Variants in MCHR2 observed in about 807,000 individuals in gnomAD.
The protein encoded by MCHR2 is melanin concentrating hormone receptor 2.
A neutral mutation model predicts 24.8 loss-of-function variants in MCHR2; 15 were observed. The observed-to-expected ratio is 0.60, with a 90% CI of 0.40 to 0.93. The LOEUF (loss-of-function observed/expected upper bound fraction) is 0.93, where lower values mean the gene tolerates loss of function less well. Among genes scored for constraint, MCHR2 ranks in the 40% least tolerant of loss-of-function variants. The pLI, the probability that MCHR2 is intolerant of heterozygous loss-of-function variation, is 0.00. For synonymous variants in MCHR2, 151 were observed against 147.6 expected (o/e 1.02, Z -0.17); for missense variants, 386 against 408.7 (o/e 0.94, Z 0.48).
chr6:99,946,838 A>G (rs918711390), intron 3 of MCHR2, among the ~76,000 whole-genome samples: 6 of 152,154 alleles, frequency 3.9e-5, no homozygotes, highest in Non-Finnish European at 8.8e-5. Context: ...AAGACAGAGT[A>G]TCACTGTTGG....
In MCHR2 at chr6:99,975,197, C is replaced by G. The variant is rs181448154; in HGVS notation, c.-28+18739G>C. Among the ~76,000 whole-genome samples, 408 of 152,324 alleles carry G rather than the reference C, an allele frequency of 2.7e-3. 2 individuals are homozygous for G. Among genetic ancestry groups the G allele is most frequent in the African/African-American group, 9.4e-3 (392 of 41,576 alleles). On this transcript the variant is annotated intron_variant, in intron 1 of 5. Coordinates refer to ENST00000281806, the MANE Select transcript of MCHR2 (RefSeq NM_001040179.2). ...GTGGAGCCTACAGAGGCAGGCAGGT[C>G]TCCTTGAGCTGTGGTGGGCTCCACC...
rs1774177794 is a variant in MCHR2 at position 99,919,235 on chromosome 6, T to A, written c.*1705A>T. ...GATGCTACCTGTCTCAGTGTGTAGT[T>A]CTCATGTGGTTTACAGAACCATTCA... On this transcript the variant is annotated 3_prime_UTR_variant, in exon 6 of 6. Transcript: ENST00000281806. Among the ~76,000 whole-genome samples the A allele has an allele frequency of 6.6e-6, 1 of 152,198 alleles. No homozygotes were observed. The highest frequency in any genetic ancestry group is 1.5e-5 in the Non-Finnish European group (1 of 68,044).
At chr6:99,979,934 T>A (rs55911648) in intron 1 of MCHR2, among the ~76,000 whole-genome samples, 1,551 of 152,248 alleles carry the variant, frequency 0.01, 13 homozygotes, top group Non-Finnish European at 0.012. Context: ...AAGAAAAAAA[T>A]TTGTAAATGG....
chr6:99,959,084 G>T (rs1053115003), intron 1 of MCHR2, among the ~76,000 whole-genome samples: 14 of 152,030 alleles, frequency 9.2e-5, no homozygotes, highest in Non-Finnish European at 4.4e-5. Flanking sequence ...GCTTTTGGGG[G>T]GTTTCCAGAG....
At chr6:99,963,727 A>G (rs573894203) in intron 1 of MCHR2, among the ~76,000 whole-genome samples, 2 of 152,134 alleles carry the variant, frequency 1.3e-5, no homozygotes, top group African/African-American at 4.8e-5. Context: ...AATGATGCAG[A>G]GTTTACTGGT....
intron 4 of MCHR2, among the ~76,000 whole-genome samples, chr6:99,939,873 T>G (rs1461873736): frequency 2.3e-3 from 1 of 440 alleles, no homozygotes. Flanking sequence ...ATGGCAGGTG[T>G]TTTTTTTTTT....
At chr6:99,962,758 A>T (rs2114553376) in intron 1 of MCHR2, among the ~76,000 whole-genome samples, 1 of 152,258 alleles carries the variant, frequency 6.6e-6, no homozygotes, top group African/African-American at 2.4e-5. Context: ...TCTACACTGA[A>T]CTAAAAAGCT....
chr6:99,969,487 A>G (rs1582400732), intron 1 of MCHR2, among the ~76,000 whole-genome samples: 1 of 149,436 alleles, frequency 6.7e-6, no homozygotes, highest in African/African-American at 2.4e-5. Flanking sequence ...AAAAAAAAAA[A>G]AAAAAGAAAA....
chr6:99,956,210 A>T, intron 1 of MCHR2, 36 bp from the exon 2 acceptor site: 1 of 1,360,330 alleles, frequency 7.4e-7, no homozygotes, highest in South Asian at 1.5e-5. Flanking sequence ...TTTAGTGAAC[A>T]TTCCCTCAAT....
rs989908430 is a variant in MCHR2, at chr6:99,987,116, T to A, written c.-28+6820A>T. On this transcript the variant is annotated intron_variant, in intron 1 of 5. Coordinates refer to ENST00000281806, the MANE Select transcript of MCHR2 (RefSeq NM_001040179.2). ...TATTTATTTATTTATTTATTTATTT[T>A]TTGAGACAGAGTCTTGCTCTGCTGC... 6.5e-5 allele frequency among the ~76,000 whole-genome samples: 8 copies of A among 123,838 alleles called. 1 individual carries two copies. Among genetic ancestry groups the A allele is most frequent in the Middle Eastern group, 7.7e-3 (2 of 260 alleles). 81.2% of individuals were successfully genotyped at this position (123,838 alleles called of 152,430 possible). A position where few individuals can be genotyped will look rare whatever the true frequency, so the allele number is the denominator to read the frequency against.
chr6:99,949,697 A>T (rs761009964), intron 2 of MCHR2, among the ~76,000 whole-genome samples: 1 of 152,060 alleles, frequency 6.6e-6, no homozygotes, highest in East Asian at 1.9e-4. Flanking sequence ...CTGCCACTAA[A>T]AAAACAGGTT....
In MCHR2 at chr6:99,931,416, T is replaced by C. The variant is rs552289398; in HGVS notation, c.707+2982A>G. 3.1e-3 allele frequency among the ~76,000 whole-genome samples: 478 copies of C among 152,314 alleles called. 3 individuals are homozygous for C. The highest frequency in any genetic ancestry group is 0.011 in the African/African-American group (459 of 41,578). ...TCTGCAGAGGTTACTGCTGTCTTTTTGTTTGTCTGTGCCCTGCCCCCAGAG... is the reference window on the plus strand; with the variant it reads ...TCTGCAGAGGTTACTGCTGTCTTTTCGTTTGTCTGTGCCCTGCCCCCAGAG... On this transcript the variant is annotated intron_variant, in intron 5 of 5. Coordinates refer to ENST00000281806, the MANE Select transcript of MCHR2 (RefSeq NM_001040179.2).
At chr6:99,963,338 G>T (rs1220081889) in intron 1 of MCHR2, among the ~76,000 whole-genome samples, 1 of 152,004 alleles carries the variant, frequency 6.6e-6, no homozygotes, top group Admixed American at 6.6e-5. Context: ...TAAAATTAAG[G>T]GAATTCTGTC....
At chr6:99,937,751 A>ATTT (rs71024679) in intron 4 of MCHR2, among the ~76,000 whole-genome samples, 5,190 of 146,836 alleles carry the variant, frequency 0.035, 117 homozygotes, top group East Asian at 0.11. Context: ...CTTCCTCTTC[A>ATTT]TTTTTTTTTT....
Position 99,920,597 on chromosome 6 carries a change from G to A in MCHR2, c.*343C>T, listed in dbSNP as rs1360168015. On this transcript the variant is annotated 3_prime_UTR_variant, in exon 6 of 6. Coordinates refer to ENST00000281806, the MANE Select transcript of MCHR2 (RefSeq NM_001040179.2). ...TGTTACAGTGAGGCCACAGTGTGGA[G>A]GGCAAGGTCAGGTTCCTTGGTGAGT... 8.2e-6 allele frequency: 2 copies of A among 244,188 alleles called. No individual in the cohort carries two copies. The highest frequency in any genetic ancestry group is 1.9e-4 in the East Asian group (2 of 10,784). The allele number at this position is 244,188 out of a possible 1,614,324, so 15.1% of individuals were successfully genotyped here.
intron 2 of MCHR2, among the ~76,000 whole-genome samples, chr6:99,949,612 C>T (rs1470833467): frequency 6.6e-6 from 1 of 152,106 alleles, no homozygotes; most frequent in East Asian, 1.9e-4. Context: ...TTCTCCAGGC[C>T]TTGGCAGCAT....
intron 5 of MCHR2, among the ~76,000 whole-genome samples, chr6:99,933,785 T>C (rs918052023): frequency 2.0e-5 from 3 of 152,132 alleles, no homozygotes; most frequent in Admixed American, 6.6e-5. Context: ...GTTATATAAT[T>C]ACTGACTTAT....
rs979454752 is a variant in MCHR2, at chr6:99,919,561, A to C, written c.*1379T>G. On this transcript the variant is annotated 3_prime_UTR_variant, in exon 6 of 6. Transcript: ENST00000281806. ...AACAATATTTGTCTTAGTGTAGAAC[A>C]CAGGCATTAAATGCATTGTTTCCTT... Among the ~76,000 whole-genome samples the C allele has an allele frequency of 8.5e-5, 13 of 152,284 alleles. 1 individual carries two copies. The East Asian group carries it at 2.3e-3, about 27-fold the overall frequency.
chr6:99,973,841 A>C (rs1452134218), intron 1 of MCHR2, among the ~76,000 whole-genome samples: 1 of 152,188 alleles, frequency 6.6e-6, no homozygotes, highest in South Asian at 2.1e-4. Flanking sequence ...GCTGGATATG[A>C]AATTCTGGGT....
Sources: gnomAD v4.1 joint callset for allele counts (sites outside exome capture counted in the v4.1 genomes callset) on GRCh38, gnomAD v4.1.1 for gene constraint, MANE v1.5 for transcripts, NCBI Gene and HGNC (gene_info 2026-07-23, HGNC 2026-07-21) for gene names.